Variants in ADAMTS3 observed in about 807,000 individuals in gnomAD.
The protein encoded by ADAMTS3 is A disintegrin and metalloproteinase with thrombospondin motifs 3.
Under a neutral mutation model 129.0 loss-of-function variants are expected in ADAMTS3, and 73 were observed. The observed-to-expected ratio is 0.57, with a 90% CI of 0.47 to 0.69. The LOEUF is 0.69. ADAMTS3 is among the 30% of genes least tolerant of loss of function. The pLI is 0.00. For missense variants in ADAMTS3, 1,457 were observed against 1,514.5 expected (o/e 0.96, Z 0.63); for synonymous variants, 477 against 510.8 (o/e 0.93, Z 0.89).
At chr4:72,515,013 G>C (rs1215252681) in intron 3 of ADAMTS3, among the ~76,000 whole-genome samples, 2 of 151,888 alleles carry the variant, frequency 1.3e-5, no homozygotes, top group Non-Finnish European at 1.5e-5. Flanking sequence ...AGTCCCCAGA[G>C]TGTAATATTC....
At chr4:72,468,136 T>C (rs548859397) in intron 3 of ADAMTS3, among the ~76,000 whole-genome samples, 1 of 152,222 alleles carries the variant, frequency 6.6e-6, no homozygotes, top group South Asian at 2.1e-4. Flanking sequence ...ACATTCTTCA[T>C]TGTATATCTA....
chr4:72,520,718 G>A (rs928513614), intron 3 of ADAMTS3, among the ~76,000 whole-genome samples: 2 of 152,160 alleles, frequency 1.3e-5, no homozygotes, highest in Admixed American at 1.3e-4. Context: ...GGGTGGGATT[G>A]ACCCGATTTT....
chr4:72,302,172 G>T (rs543360388), intron 17 of ADAMTS3, among the ~76,000 whole-genome samples: 1 of 151,714 alleles, frequency 6.6e-6, no homozygotes, highest in African/African-American at 2.4e-5. Flanking sequence ...CCAAAATGTC[G>T]AGTGTACAAG....
chr4:72,402,680 A>C (rs1721955581), intron 4 of ADAMTS3, among the ~76,000 whole-genome samples: 1 of 152,156 alleles, frequency 6.6e-6, no homozygotes, highest in Non-Finnish European at 1.5e-5. Flanking sequence ...AGTATTATAA[A>C]GACCCAGAAT....
intron 16 of ADAMTS3, among the ~76,000 whole-genome samples, 187 bp downstream of exon 16, chr4:72,305,800 C>T (rs531381849): frequency 1.3e-5 from 2 of 151,430 alleles, no homozygotes; most frequent in Non-Finnish European, 1.5e-5. Flanking sequence ...CACATATACG[C>T]ATGCACATCA....
Position 72,526,781 on chromosome 4 carries a change from CAG to C in ADAMTS3, c.504+21695_504+21696del, listed in dbSNP as rs367563051. 6.6e-4 allele frequency among the ~76,000 whole-genome samples: 61 copies of C among 91,772 alleles called. 1 individual carries two copies. The highest frequency in any genetic ancestry group is 2.1e-3 in the South Asian group (6 of 2,902). 60.2% of individuals were successfully genotyped at this position (91,772 alleles called of 152,430 possible). A position where few individuals can be genotyped will look rare whatever the true frequency, so the allele number is the denominator to read the frequency against. ...ATATATATATATATATATATATAGA[CAG>C]AGAGAGAGAGAGAGAGAGAGGAATC... On this transcript the variant is annotated intron_variant, in intron 3 of 21. Transcript: ENST00000286657.
chr4:72,433,833 AT>A (rs1722755551), intron 3 of ADAMTS3, among the ~76,000 whole-genome samples: 1 of 151,862 alleles, frequency 6.6e-6, no homozygotes, highest in Non-Finnish European at 1.5e-5. Flanking sequence ...CTGATCAATG[AT>A]TTTGTTATTT....
intron 3 of ADAMTS3, among the ~76,000 whole-genome samples, chr4:72,458,652 A>G (rs1483249504): frequency 7.3e-5 from 11 of 151,604 alleles, no homozygotes; most frequent in Admixed American, 5.9e-4. Flanking sequence ...GAATTCAAAA[A>G]AAAACACAGT....
rs115636540 is a variant in ADAMTS3 at position 72,405,047 on chromosome 4, T to A, written c.661+9768A>T. Among the ~76,000 whole-genome samples, 814 of 152,084 alleles carry A rather than the reference T, an allele frequency of 5.4e-3. 11 individuals are homozygous for A. The highest frequency in any genetic ancestry group is 0.019 in the African/African-American group (776 of 41,508). ...TGCCTGTGGTAAGAAAAATAAGTAT[T>A]GAGGAGATGTAGAGAAAAGGGAACA... is the stretch of plus-strand genomic sequence containing the variant. On this transcript the variant is annotated intron_variant, in intron 4 of 21. Transcript: ENST00000286657.
intron 3 of ADAMTS3, among the ~76,000 whole-genome samples, chr4:72,446,297 C>G (rs1048997123): frequency 6.6e-6 from 1 of 151,638 alleles, no homozygotes; most frequent in Non-Finnish European, 1.5e-5. Context: ...TCAAGTTCCC[C>G]TCAGATCTCA....
intron 4 of ADAMTS3, among the ~76,000 whole-genome samples, chr4:72,340,070 A>T (rs772833274): frequency 3.3e-5 from 5 of 152,008 alleles, no homozygotes; most frequent in Admixed American, 6.6e-5. Context: ...AATAAAAATA[A>T]CTCCAGTATG....
intron 3 of ADAMTS3, among the ~76,000 whole-genome samples, chr4:72,434,430 A>C (rs1404681241): frequency 6.6e-6 from 1 of 151,768 alleles, no homozygotes; most frequent in Non-Finnish European, 1.5e-5. Context: ...TTACTCTTAT[A>C]GAGTAGAATA....
chr4:72,540,081 C>G (rs1446962168), intron 3 of ADAMTS3, among the ~76,000 whole-genome samples: 1 of 152,098 alleles, frequency 6.6e-6, no homozygotes, highest in Non-Finnish European at 1.5e-5. Flanking sequence ...CAGAAGACAA[C>G]AGGAAAATGT....
At chr4:72,462,710 CAT>C (rs1718804648) in intron 3 of ADAMTS3, among the ~76,000 whole-genome samples, 1 of 151,328 alleles carries the variant, frequency 6.6e-6, no homozygotes, top group African/African-American at 2.4e-5. Context: ...ATAGTTTAAA[CAT>C]GTTTTAAATT....
chr4:72,539,544 GA>G (rs1721270480), intron 3 of ADAMTS3, among the ~76,000 whole-genome samples: 1 of 148,114 alleles, frequency 6.8e-6, no homozygotes, highest in Admixed American at 6.8e-5. Context: ...CAAGAATGTG[GA>G]AAAAAATCAA....
intron 2 of ADAMTS3, among the ~76,000 whole-genome samples, chr4:72,552,311 T>G (rs1209594342): frequency 2.0e-5 from 3 of 152,182 alleles, no homozygotes; most frequent in Non-Finnish European, 4.4e-5. Context: ...ATAGGTTTGG[T>G]GAGAGTTTTA....
chr4:72,418,676 G>A (rs920443625), intron 3 of ADAMTS3, among the ~76,000 whole-genome samples: 1 of 152,200 alleles, frequency 6.6e-6, no homozygotes, highest in African/African-American at 2.4e-5. Flanking sequence ...TGCAAAGAGG[G>A]CCAGGAAATG....
chr4:72,357,429 C>T (rs565839353), intron 4 of ADAMTS3, among the ~76,000 whole-genome samples: 3 of 151,560 alleles, frequency 2.0e-5, no homozygotes, highest in Admixed American at 1.3e-4. Flanking sequence ...CCAACTAGCA[C>T]GAAGAAATAA....
At chr4:72,381,525 C>G (rs895607173) in intron 4 of ADAMTS3, among the ~76,000 whole-genome samples, 1 of 152,080 alleles carries the variant, frequency 6.6e-6, no homozygotes, top group Non-Finnish European at 1.5e-5. Context: ...AGCATGTATG[C>G]CTGCTCCTAA....
Sources: gnomAD v4.1 joint callset for allele counts (sites outside exome capture counted in the v4.1 genomes callset) on GRCh38, gnomAD v4.1.1 for gene constraint, MANE v1.5 for transcripts, NCBI Gene and HGNC (gene_info 2026-07-23, HGNC 2026-07-21) for gene names.